DMD: variants seen among roughly 807,000 people sequenced by gnomAD.
DMD encodes the protein dystrophin, also known as mutant dystrophin.
In DMD, 63 loss-of-function variants were observed where a neutral mutation model predicts 330.1. That is an observed-to-expected ratio of 0.19 (90% confidence interval 0.16 to 0.24). The LOEUF (loss-of-function observed/expected upper bound fraction) is 0.24. DMD is among the 10% of genes least tolerant of loss of function. The pLI is 1.00. For synonymous variants in DMD, 1,223 were observed against 959.8 expected, an observed-to-expected ratio of 1.27 and a Z score of -5.07; for missense variants, 3,344 against 2,684.1, an observed-to-expected ratio of 1.25 and a Z score of -5.43.
intron 76 of DMD, among the ~76,000 whole-genome samples, chrX:31,138,389 T>C (rs1043991192): frequency 1.4e-4 from 16 of 111,579 alleles, no homozygotes; most frequent in African/African-American, 3.9e-4. Flanking sequence ...AAGCCAGATA[T>C]AATATTTATG....
At chrX:31,753,875 TAA>T (rs963264772) in intron 51 of DMD, among the ~76,000 whole-genome samples, 2 of 111,525 alleles carry the variant, frequency 1.8e-5, no homozygotes, top group African/African-American at 6.5e-5. Flanking sequence ...TGACATCGAG[TAA>T]AGATTTGAAG....
At chrX:33,115,922 G>A (rs1342107167) in intron 1 of DMD, among the ~76,000 whole-genome samples, 3 of 110,560 alleles carry the variant, frequency 2.7e-5, no homozygotes, top group South Asian at 3.9e-4. Context: ...GGGTGAGCAC[G>A]GCGGCTCATG....
At chrX:33,100,372 A>G (rs2095225532) in intron 1 of DMD, among the ~76,000 whole-genome samples, 1 of 112,049 alleles carries the variant, frequency 8.9e-6, no homozygotes, top group African/African-American at 3.2e-5. Context: ...AATTTCTTTA[A>G]ATATCATGTA....
chrX:31,812,995 G>A (rs1603475667), intron 50 of DMD, among the ~76,000 whole-genome samples: 2 of 112,222 alleles, frequency 1.8e-5, no homozygotes, highest in South Asian at 7.4e-4. Flanking sequence ...AGCCATGGTA[G>A]AAGAGAAGAT....
chrX:31,177,780 GAAAA>G lies in DMD; in HGVS notation c.10262+148_10262+151del, dbSNP rs762090804. ...TACTTTCAAAGTCTCATCAAGAAAA[GAAAA>G]AAAAAAACTGAAATGAAGGAAGGGG... On this transcript the variant is annotated intron_variant, in intron 71 of 78. Coordinates refer to ENST00000357033, the MANE Select transcript of DMD (RefSeq NM_004006.3). 4 of 447,496 alleles carry G rather than the reference GAAAA, an allele frequency of 8.9e-6. No individual in the cohort carries two copies. The Admixed American group carries it at 1.8e-4, about 20-fold the overall frequency. The allele number at this position is 447,496 out of a possible 1,213,427, so 36.9% of individuals were successfully genotyped here.
At chrX:32,259,933 G>C (rs1188366708) in intron 43 of DMD, among the ~76,000 whole-genome samples, 3 of 111,498 alleles carry the variant, frequency 2.7e-5, no homozygotes, top group Non-Finnish European at 5.7e-5. Flanking sequence ...TTGGTCAAGA[G>C]AGCCTTAATG....
intron 44 of DMD, among the ~76,000 whole-genome samples, chrX:32,178,830 GGTGTGTGTGT>G (rs60773717): frequency 2.0e-5 from 2 of 99,174 alleles, no homozygotes; most frequent in African/African-American, 3.8e-5. Context: ...TATTCCAGGG[GGTGTGTGTGT>G]GTGTGTGTGT....
intron 52 of DMD, among the ~76,000 whole-genome samples, chrX:31,707,633 A>G (rs1296243373): frequency 1.8e-5 from 2 of 111,790 alleles, no homozygotes; most frequent in African/African-American, 6.5e-5. Context: ...AAAAAAAAGA[A>G]AACTTCTGTG....
rs760223125 is a variant in DMD at position 32,517,651 on chromosome X, T to C, written c.2292+357A>G. Reference sequence around the variant, plus strand: ...TATTATTCTATTCTATTTTACTCTATTCTACTCTACACAATTGTGCAAGCT... The same window carrying C: ...TATTATTCTATTCTATTTTACTCTACTCTACTCTACACAATTGTGCAAGCT... On this transcript the variant is annotated intron_variant, in intron 18 of 78. Transcript: ENST00000357033. The C allele has an allele frequency of 4.2e-4, 119 of 282,608 alleles. 3 individuals are homozygous for C. In the South Asian group the frequency reaches 8.3e-3, roughly 20 times the overall value. 23.3% of individuals were successfully genotyped at this position (282,608 alleles called of 1,213,427 possible).
chrX:32,172,305 G>T (rs1272064831), intron 44 of DMD, among the ~76,000 whole-genome samples: 3 of 111,595 alleles, frequency 2.7e-5, no homozygotes, highest in African/African-American at 9.8e-5. Context: ...AAAAGGAAAT[G>T]GAAATAGATA....
At chrX:31,262,073 C>T (rs887539528) in intron 62 of DMD, among the ~76,000 whole-genome samples, 5 of 112,378 alleles carry the variant, frequency 4.4e-5, no homozygotes, top group African/African-American at 1.6e-4. Context: ...TGTCGAATGG[C>T]CTTAGCGTAT....
intron 57 of DMD, among the ~76,000 whole-genome samples, chrX:31,488,167 T>C (rs17338604): frequency 0.097 from 10,804 of 111,407 alleles, 427 homozygotes; most frequent in East Asian, 0.19. Flanking sequence ...CAACAATCAC[T>C]GGGGAAGTTA....
intron 14 of DMD, 42 bp downstream of exon 14, chrX:32,573,702 TC>T: frequency 8.4e-7 from 1 of 1,187,311 alleles, no homozygotes; most frequent in Non-Finnish European, 1.1e-6. Flanking sequence ...CAATTTAATA[TC>T]CCCCCGTGTC....
chrX:33,005,990 A>C lies in DMD; in HGVS notation c.93+14149T>G, dbSNP rs6631708. 2.7e-5 allele frequency among the ~76,000 whole-genome samples: 3 copies of C among 110,463 alleles called. No individual in the cohort carries two copies. The South Asian group carries it at 1.1e-3, about 41-fold the overall frequency. ...GTGGAATTTGAAATGTAAAACACAA[A>C]GCCATTTCCACTAACATTTTCAAAA... On this transcript the variant is annotated intron_variant, in intron 2 of 78. Transcript: ENST00000357033.
chrX:31,995,515 T>C (rs1182731207), intron 44 of DMD, among the ~76,000 whole-genome samples: 2 of 112,074 alleles, frequency 1.8e-5, no homozygotes, highest in Non-Finnish European at 3.8e-5. Flanking sequence ...GGCACATCTT[T>C]GGAAATTTTA....
intron 7 of DMD, among the ~76,000 whole-genome samples, chrX:32,709,710 G>A (rs12013834): frequency 0.022 from 2,399 of 111,271 alleles, 66 homozygotes; most frequent in African/African-American, 0.074. Context: ...TAACTCATAT[G>A]GCACCTCTTC....
intron 50 of DMD, among the ~76,000 whole-genome samples, chrX:31,810,254 T>G (rs1466732059): frequency 9.1e-6 from 1 of 110,179 alleles, no homozygotes; most frequent in Non-Finnish European, 1.9e-5. Context: ...TGGAAAACAC[T>G]TGGAAGGGTA....
chrX:31,355,872 A>AT (rs1368355412), intron 60 of DMD, among the ~76,000 whole-genome samples: 8 of 106,443 alleles, frequency 7.5e-5, no homozygotes, highest in African/African-American at 1.0e-4. Flanking sequence ...AAAAATAATA[A>AT]AAAAAAAAAA....
intron 55 of DMD, among the ~76,000 whole-genome samples, chrX:31,528,233 A>C (rs1367086394): frequency 1.1e-5 from 1 of 94,415 alleles, no homozygotes. Context: ...ACAGTATACC[A>C]GCATCCTTTA....
Sources: gnomAD v4.1 joint callset for allele counts (sites outside exome capture counted in the v4.1 genomes callset) on GRCh38, gnomAD v4.1.1 for gene constraint, MANE v1.5 for transcripts, NCBI Gene and HGNC (gene_info 2026-07-23, HGNC 2026-07-21) for gene names.